The following ADAMTS2 variants were observed in gnomAD, a reference collection of about 807,000 sequenced individuals.
The protein encoded by ADAMTS2 is ADAM metallopeptidase with thrombospondin type 1 motif 2, also known as A disintegrin and metalloproteinase with thrombospondin motifs 2.
Under a neutral mutation model 123.0 loss-of-function variants are expected in ADAMTS2, and 50 were observed. The ratio of observed to expected loss-of-function variants is 0.41; its 90% CI spans 0.32 to 0.51. The LOEUF (loss-of-function observed/expected upper bound fraction) is 0.51. ADAMTS2 is among the 20% of genes least tolerant of loss of function. The pLI, the probability that ADAMTS2 is intolerant of heterozygous loss-of-function variation, is 0.35. For missense variants in ADAMTS2, 1,494 were observed against 1,705.2 expected, an observed-to-expected ratio of 0.88 and a Z score of 2.18; for synonymous variants, 678 against 695.4, an observed-to-expected ratio of 0.98 and a Z score of 0.39.
In ADAMTS2 at chr5:179,189,046, C is replaced by A. The variant is rs965053773; in HGVS notation, c.892-7891G>T. Among the ~76,000 whole-genome samples the A allele has an allele frequency of 3.3e-5, 5 of 152,180 alleles. No homozygotes were observed. The highest frequency in any genetic ancestry group is 1.2e-4 in the African/African-American group (5 of 41,446). On this transcript the variant is annotated intron_variant, in intron 4 of 21. Coordinates refer to ENST00000251582, the MANE Select transcript of ADAMTS2 (RefSeq NM_014244.5). The surrounding 1 kb of genome is among the most constrained non-coding windows in gnomAD (Gnocchi z 4.2). ...CAGATTTCATGGGTGCCAGCATGGG[C>A]TCTGCCACAATCCTGCTGCGTGACT...
intron 2 of ADAMTS2, among the ~76,000 whole-genome samples, chr5:179,335,050 CG>C (rs1757578406): frequency 6.6e-6 from 1 of 151,910 alleles, no homozygotes; most frequent in South Asian, 2.1e-4. Flanking sequence ...TTTTTCTACC[CG>C]ACAAAACAAT....
In ADAMTS2 at chr5:179,180,311, C is replaced by T. The variant is rs770267629; in HGVS notation, c.975+761G>A. ...GGAAAGGACGTCCCAGGTTTGGCTGCAAGAGGAAGTGGGACGGGCAAGAGA... is the reference window on the plus strand; with the variant it reads ...GGAAAGGACGTCCCAGGTTTGGCTGTAAGAGGAAGTGGGACGGGCAAGAGA... On this transcript the variant is annotated intron_variant, in intron 5 of 21. Transcript: ENST00000251582. This position sits in a 1 kb window ranked among gnomAD's most constrained non-coding sequence, Gnocchi z 4.6. 5.3e-5 allele frequency among the ~76,000 whole-genome samples: 8 copies of T among 152,186 alleles called. No individual in the cohort carries two copies. Among genetic ancestry groups the T allele is most frequent in the Non-Finnish European group, 7.3e-5 (5 of 68,044 alleles).
rs537853134 is a variant in ADAMTS2 at position 179,166,052 on chromosome 5, A to G, written c.976-7173T>C. Among the ~76,000 whole-genome samples, 26 of 152,226 alleles carry G rather than the reference A, an allele frequency of 1.7e-4. No individual in the cohort carries two copies. In the South Asian group the frequency reaches 4.8e-3, roughly 28 times the overall value. The stretch of plus-strand genomic sequence containing the variant: ...CGACCACTGCAGACATGGGCTCCCA[A>G]CTGGGCTCCACTGCCCGAGTGCTCT... On this transcript the variant is annotated intron_variant, in intron 5 of 21. Coordinates refer to ENST00000251582, the MANE Select transcript of ADAMTS2 (RefSeq NM_014244.5).
chr5:179,191,069 C>T (rs11950799), intron 4 of ADAMTS2, among the ~76,000 whole-genome samples: 2,776 of 152,366 alleles, frequency 0.018, 83 homozygotes, highest in African/African-American at 0.063. Flanking sequence ...AAGGGAAATG[C>T]TGCAGAACGG....
chr5:179,337,447 C>T (rs959328245), intron 2 of ADAMTS2, among the ~76,000 whole-genome samples: 2 of 152,218 alleles, frequency 1.3e-5, no homozygotes, highest in Non-Finnish European at 1.5e-5. Flanking sequence ...ACTGCATGCA[C>T]GTACTCCTAC....
At chr5:179,165,676 G>A (rs1016252564) in intron 5 of ADAMTS2, among the ~76,000 whole-genome samples, 2 of 152,296 alleles carry the variant, frequency 1.3e-5, no homozygotes, top group African/African-American at 2.4e-5. Flanking sequence ...CTGTATGACC[G>A]GGGATGGACA....
chr5:179,217,590 C>T (rs1367609668), intron 3 of ADAMTS2, among the ~76,000 whole-genome samples: 4 of 152,198 alleles, frequency 2.6e-5, no homozygotes, highest in African/African-American at 9.7e-5. Context: ...GAAAATGTAG[C>T]GAGGCACCTT....
intron 3 of ADAMTS2, among the ~76,000 whole-genome samples, chr5:179,219,939 G>A (rs1311793339): frequency 1.3e-5 from 2 of 152,200 alleles, no homozygotes; most frequent in Admixed American, 1.3e-4. Context: ...ATTCACGGGG[G>A]TCTCGGGGCC....
At chr5:179,139,111 C>T (rs1443034511) in intron 11 of ADAMTS2, among the ~76,000 whole-genome samples, 1 of 152,166 alleles carries the variant, frequency 6.6e-6, no homozygotes, top group Non-Finnish European at 1.5e-5. Flanking sequence ...GGGCCTGCGG[C>T]GTAAGAGCCC....
At chr5:179,274,099 T>C (rs1451905370) in intron 2 of ADAMTS2, among the ~76,000 whole-genome samples, 3 of 142,280 alleles carry the variant, frequency 2.1e-5, no homozygotes, top group Non-Finnish European at 3.1e-5. Flanking sequence ...TCCCCTGCCA[T>C]CCAGCCTGCC....
intron 5 of ADAMTS2, among the ~76,000 whole-genome samples, chr5:179,167,497 A>G (rs1416729499): frequency 6.6e-6 from 1 of 152,082 alleles, no homozygotes; most frequent in South Asian, 2.1e-4. Context: ...TGAATTATCT[A>G]TGCTCTTCCC....
chr5:179,264,074 C>T (rs1256508544), intron 3 of ADAMTS2, among the ~76,000 whole-genome samples: 1 of 152,162 alleles, frequency 6.6e-6, no homozygotes, highest in Non-Finnish European at 1.5e-5. Context: ...TGAGCCAGGC[C>T]TGTCCTCGCT....
At chr5:179,275,703 T>C (rs181166473) in intron 2 of ADAMTS2, among the ~76,000 whole-genome samples, 1,886 of 152,214 alleles carry the variant, frequency 0.012, 49 homozygotes, top group Non-Finnish European at 0.013. Flanking sequence ...CCAGAAAGTG[T>C]CCTCCCCCAG....
At chr5:179,266,085 T>C (rs531376309) in intron 3 of ADAMTS2, among the ~76,000 whole-genome samples, 83 of 152,278 alleles carry the variant, frequency 5.5e-4, no homozygotes, top group Admixed American at 1.0e-3. Context: ...AAGTGCCCGG[T>C]TGGAGACACA....
chr5:179,120,417 C>T (rs1040318732), intron 21 of ADAMTS2: 3 of 152,300 alleles, frequency 2.0e-5, no homozygotes, highest in Non-Finnish European at 4.4e-5. Context: ...GCACCTTCCC[C>T]AGTCGCGCGT....
At chr5:179,305,833 T>C (rs1756657375) in intron 2 of ADAMTS2, among the ~76,000 whole-genome samples, 1 of 152,142 alleles carries the variant, frequency 6.6e-6, no homozygotes, top group Non-Finnish European at 1.5e-5. Context: ...AAAAAGATAA[T>C]GGAATAGTAT....
chr5:179,113,500 G>A lies in ADAMTS2; in HGVS notation c.*367C>T, dbSNP rs779009020. ...TCTGGGGATCGGTAGGGAATGTCAT[G>A]CATCTCCGCCAAGGAAAGGAAGGTT... On this transcript the variant is annotated 3_prime_UTR_variant, in exon 22 of 22. Transcript: ENST00000251582. 9.6e-6 allele frequency: 3 copies of A among 312,680 alleles called. No homozygotes were observed. Among genetic ancestry groups the A allele is most frequent in the Non-Finnish European group, 1.2e-5 (2 of 164,384 alleles). The allele number at this position is 312,680 out of a possible 1,614,324, so 19.4% of individuals were successfully genotyped here.
At chr5:179,146,360 A>G (rs1298527549) in intron 10 of ADAMTS2, among the ~76,000 whole-genome samples, 1 of 152,066 alleles carries the variant, frequency 6.6e-6, no homozygotes, top group African/African-American at 2.4e-5. Context: ...GGATGATGAC[A>G]TTTGGAGGAG....
intron 2 of ADAMTS2, among the ~76,000 whole-genome samples, chr5:179,341,545 A>T (rs411877): frequency 0.14 from 21,205 of 150,808 alleles, 1,507 homozygotes; most frequent in Middle Eastern, 0.18. Flanking sequence ...CTAAAAATTA[A>T]AAAAAAAATA....
Sources: allele counts gnomAD v4.1 joint callset (sites outside exome capture counted in the v4.1 genomes callset), GRCh38; gene constraint gnomAD v4.1.1; non-coding constraint Gnocchi (gnomAD v3.1); transcripts MANE v1.5; gene names NCBI Gene and HGNC (gene_info 2026-07-23, HGNC 2026-07-21).